The following EYS variants were observed in gnomAD, a reference collection of about 807,000 sequenced individuals.
The protein encoded by EYS is EGF-like photoreceptor maintenance factor.
EYS carries 250 observed loss-of-function variants against 282.1 expected under a neutral mutation model. The observed-to-expected ratio is 0.89, with a 90% CI of 0.80 to 0.98. The LOEUF (loss-of-function observed/expected upper bound fraction) is 0.98. Among genes scored for constraint, EYS ranks in the 50% least tolerant of loss-of-function variants. EYS has a pLI of 0.00. For missense variants in EYS, 4,016 were observed against 3,709.0 expected, an observed-to-expected ratio of 1.08 and a Z score of -2.15; for synonymous variants, 1,355 against 1,282.9, an observed-to-expected ratio of 1.06 and a Z score of -1.20.
intron 12 of EYS, among the ~76,000 whole-genome samples, chr6:65,227,782 T>A (rs1272066870): frequency 6.6e-6 from 1 of 152,066 alleles, no homozygotes; most frequent in Non-Finnish European, 1.5e-5. Context: ...ATAAATGAAC[T>A]TAGACAACAT....
At chr6:64,051,196 A>G (rs182320456) in intron 33 of EYS, among the ~76,000 whole-genome samples, 9 of 152,290 alleles carry the variant, frequency 5.9e-5, no homozygotes, top group African/African-American at 2.2e-4. Context: ...AATATCTATT[A>G]AACACATACT....
chr6:65,169,155 A>C (rs1765044776), intron 12 of EYS, among the ~76,000 whole-genome samples: 1 of 151,402 alleles, frequency 6.6e-6, no homozygotes, highest in South Asian at 2.1e-4. Flanking sequence ...GTTTTCAATT[A>C]TTTTCCATAA....
At chr6:63,734,840 A>T (rs1445080353) in intron 41 of EYS, among the ~76,000 whole-genome samples, 1 of 152,120 alleles carries the variant, frequency 6.6e-6, no homozygotes. Flanking sequence ...AGAATTTAGT[A>T]ACTAATAGAT....
intron 11 of EYS, among the ~76,000 whole-genome samples, chr6:65,312,644 G>T (rs181085367): frequency 3.9e-5 from 6 of 152,240 alleles, no homozygotes; most frequent in Admixed American, 3.3e-4. Flanking sequence ...CAAGACAAAT[G>T]TTTTACATGT....
intron 14 of EYS, among the ~76,000 whole-genome samples, chr6:64,949,759 C>T (rs773921048): frequency 1.3e-5 from 2 of 151,872 alleles, no homozygotes; most frequent in Non-Finnish European, 2.9e-5. Flanking sequence ...AAAATTTTGC[C>T]TTTAATATCT....
At chr6:65,297,600 T>A (rs1768701544) in intron 11 of EYS, among the ~76,000 whole-genome samples, 1 of 151,964 alleles carries the variant, frequency 6.6e-6, no homozygotes, top group Non-Finnish European at 1.5e-5. Flanking sequence ...ATTAAATAAA[T>A]ATATTTGTGC....
intron 1 of EYS, among the ~76,000 whole-genome samples, chr6:65,666,311 T>C (rs549945755): frequency 2.0e-5 from 3 of 151,992 alleles, no homozygotes; most frequent in Middle Eastern, 3.4e-3. Flanking sequence ...TATAGTAATG[T>C]AGAAGCAATA....
chr6:64,072,485 A>AT (rs1196503566), intron 32 of EYS, among the ~76,000 whole-genome samples: 1 of 151,720 alleles, frequency 6.6e-6, no homozygotes, highest in East Asian at 1.9e-4. Flanking sequence ...TATAATTAAA[A>AT]TTTTTTTGTA....
intron 24 of EYS, among the ~76,000 whole-genome samples, chr6:64,601,376 C>T (rs1766755396): frequency 6.6e-6 from 1 of 151,936 alleles, no homozygotes; most frequent in South Asian, 2.1e-4. Context: ...ACTGCTGATT[C>T]AGTCTCTCCA....
At chr6:65,643,028 T>C (rs1767331249) in intron 1 of EYS, among the ~76,000 whole-genome samples, 1 of 152,186 alleles carries the variant, frequency 6.6e-6, no homozygotes, top group African/African-American at 2.4e-5. Context: ...GCTGAGAGAA[T>C]TATCTGACCC....
chr6:64,994,092 C>A (rs1434043231), intron 14 of EYS, among the ~76,000 whole-genome samples: 1 of 151,576 alleles, frequency 6.6e-6, no homozygotes, highest in African/African-American at 2.4e-5. Flanking sequence ...ATTTAAATAA[C>A]CACAAGAAAT....
chr6:63,941,587 C>A (rs1905147), intron 35 of EYS, among the ~76,000 whole-genome samples: 2,291 of 152,048 alleles, frequency 0.015, 23 homozygotes, highest in Middle Eastern at 0.031. Flanking sequence ...GATATTAGCC[C>A]CTGAATAGGT....
At chr6:65,120,021 G>C (rs368407609) in intron 12 of EYS, among the ~76,000 whole-genome samples, 1 of 150,414 alleles carries the variant, frequency 6.6e-6, no homozygotes, top group South Asian at 2.1e-4. Context: ...GCGGGGTGGC[G>C]GGCGCCTGTA....
chr6:65,004,474 A>G (rs1172383294), intron 13 of EYS, among the ~76,000 whole-genome samples: 2 of 147,676 alleles, frequency 1.4e-5, no homozygotes, highest in African/African-American at 2.4e-5. Flanking sequence ...AGCAATATCC[A>G]TGCAGGCAAG....
intron 26 of EYS, among the ~76,000 whole-genome samples, chr6:64,491,583 T>C (rs530974158): frequency 3.3e-5 from 5 of 151,172 alleles, no homozygotes; most frequent in African/African-American, 1.2e-4. Flanking sequence ...AGACACTTTT[T>C]ACGGTCTCAA....
rs1160512721 is a variant in EYS, at chr6:63,778,037, C to T, written c.7867G>A (p.Gly2623Arg). 2 of 1,551,666 alleles carry T rather than the reference C, an allele frequency of 1.3e-6. No individual in the cohort carries two copies. Among genetic ancestry groups the T allele is most frequent in the Non-Finnish European group, 1.7e-6 (2 of 1,146,946 alleles). ...CTAGTTCCACTCTCTATGCATGTCCCACCATTGCCACATTTCATTAAACTG... is the reference window on the plus strand; with the variant it reads ...CTAGTTCCACTCTCTATGCATGTCCTACCATTGCCACATTTCATTAAACTG... ...PCSLMKCGNG[G>R]TCIESGTSVY... The change falls in exon 40 of 43, where the codon GGG becomes AGG. Residue 2623 changes from glycine to arginine, a missense_variant. Coordinates refer to ENST00000503581, the MANE Select transcript of EYS (RefSeq NM_001142800.2).
intron 31 of EYS, among the ~76,000 whole-genome samples, chr6:64,134,277 C>T (rs1212436285): frequency 1.3e-5 from 2 of 151,874 alleles, no homozygotes; most frequent in Non-Finnish European, 2.9e-5. Flanking sequence ...AAGGCCTTTT[C>T]AGTGACCTGC....
chr6:64,321,247 C>T (rs564750042), intron 29 of EYS, among the ~76,000 whole-genome samples: 133 of 151,816 alleles, frequency 8.8e-4, no homozygotes, highest in Non-Finnish European at 1.3e-3. Context: ...AGTCTCTCCA[C>T]TATCATGTTT....
In EYS at chr6:64,556,529, G is replaced by A. The variant is rs557409683; in HGVS notation, c.5644+33694C>T. 2.5e-3 allele frequency among the ~76,000 whole-genome samples: 382 copies of A among 151,906 alleles called. 4 individuals are homozygous for A. The highest frequency in any genetic ancestry group is 8.5e-3 in the African/African-American group (353 of 41,458). On this transcript the variant is annotated intron_variant, in intron 26 of 42. Transcript: ENST00000503581. Reference sequence around the variant, plus strand: ...GCATGAGGGAACTTTTTCAGAAAATGGACATATTCTATATTTTGATTATAT... The same window carrying A: ...GCATGAGGGAACTTTTTCAGAAAATAGACATATTCTATATTTTGATTATAT...
Sources: allele counts gnomAD v4.1 joint callset (sites outside exome capture counted in the v4.1 genomes callset), GRCh38; gene constraint gnomAD v4.1.1; transcripts MANE v1.5; gene names NCBI Gene and HGNC (gene_info 2026-07-23, HGNC 2026-07-21).